Variants in PCYT1A observed in about 807,000 individuals in gnomAD.
PCYT1A encodes the protein choline-phosphate cytidylyltransferase A.
In PCYT1A, 25 loss-of-function variants were observed where a neutral mutation model predicts 43.7. The ratio of observed to expected loss-of-function variants is 0.57; its 90% CI spans 0.42 to 0.80. The LOEUF is 0.80. PCYT1A is among the 30% of genes least tolerant of loss of function. The pLI is 0.00. For synonymous variants in PCYT1A, 172 were observed against 170.7 expected (o/e 1.01, Z -0.06); for missense variants, 421 against 474.2 (o/e 0.89, Z 1.04).
chr3:196,266,016 G>C (rs1024056117), intron 2 of PCYT1A, among the ~76,000 whole-genome samples: 1 of 150,304 alleles, frequency 6.7e-6, no homozygotes. Flanking sequence ...TGGGATGACA[G>C]GCGTGAGCCA....
chr3:196,264,425 GC>G (rs1398093944), intron 2 of PCYT1A, among the ~76,000 whole-genome samples: 2 of 152,046 alleles, frequency 1.3e-5, no homozygotes, highest in African/African-American at 4.8e-5. Context: ...AGTTTATCTC[GC>G]ACTCTCTGTA....
chr3:196,285,991 T>A (rs1202866607), intron 1 of PCYT1A, among the ~76,000 whole-genome samples: 3 of 152,004 alleles, frequency 2.0e-5, no homozygotes, highest in Admixed American at 6.6e-5. Flanking sequence ...CCGTTCCTCA[T>A]GAGCAGTTTC....
At chr3:196,264,684 C>T (rs536374659) in intron 2 of PCYT1A, among the ~76,000 whole-genome samples, 46 of 152,310 alleles carry the variant, frequency 3.0e-4, no homozygotes, top group Non-Finnish European at 6.5e-4. Flanking sequence ...TCCTGACCCA[C>T]CAACCCAGGC....
chr3:196,266,444 G>T (rs528818875), intron 2 of PCYT1A, among the ~76,000 whole-genome samples: 6 of 152,072 alleles, frequency 3.9e-5, no homozygotes, highest in Non-Finnish European at 7.3e-5. Context: ...CTGCACTCCA[G>T]CCTGGGCGAC....
At chr3:196,263,941 T>C (rs1378115142) in intron 2 of PCYT1A, among the ~76,000 whole-genome samples, 3 of 152,172 alleles carry the variant, frequency 2.0e-5, no homozygotes, top group Non-Finnish European at 4.4e-5. Context: ...CAGGATCTGG[T>C]TTTAAAAATG....
chr3:196,252,421 T>C lies in PCYT1A; in HGVS notation c.218-4098A>G, dbSNP rs1486837452. On this transcript the variant is annotated intron_variant, in intron 3 of 8. Transcript: ENST00000431016. This position sits in a 1 kb window ranked among gnomAD's most constrained non-coding sequence, Gnocchi z 4.0. ...AGCCACCAAGCCGGGATAATTTTTG[T>C]ATTTTTATATTCGTATCCCATGTTG... 1.3e-5 allele frequency among the ~76,000 whole-genome samples: 2 copies of C among 152,152 alleles called. No individual in the cohort carries two copies. Among genetic ancestry groups the C allele is most frequent in the African/African-American group, 4.8e-5 (2 of 41,440 alleles).
Position 196,277,818 on chromosome 3 carries a change from C to T in PCYT1A, c.-10-7277G>A, listed in dbSNP as rs1277898460. ...CCCTGGAGGTGGAGGTTGCAGTGAG[C>T]CTAAATCGCACGCCACTGCGCTCCA... On this transcript the variant is annotated intron_variant, in intron 1 of 8. Coordinates refer to ENST00000431016, the MANE Select transcript of PCYT1A (RefSeq NM_001312673.2). This position sits in a 1 kb window ranked among gnomAD's most constrained non-coding sequence, Gnocchi z 4.1. Among the ~76,000 whole-genome samples the T allele has an allele frequency of 6.6e-6, 1 of 152,160 alleles. No homozygotes were observed. Among genetic ancestry groups the T allele is most frequent in the Non-Finnish European group, 1.5e-5 (1 of 68,022 alleles).
chr3:196,281,138 C>A (rs1026534767), intron 1 of PCYT1A, among the ~76,000 whole-genome samples: 1 of 152,196 alleles, frequency 6.6e-6, no homozygotes, highest in African/African-American at 2.4e-5. Context: ...AAGCCGAGTG[C>A]GCAAGCAGAC....
rs1403221565 is a variant in PCYT1A, at chr3:196,273,669, G to A, written c.-10-3128C>T. 6.6e-6 allele frequency among the ~76,000 whole-genome samples: 1 copy of A among 152,160 alleles called. No homozygotes were observed. Among genetic ancestry groups the A allele is most frequent in the Admixed American group, 6.5e-5 (1 of 15,288 alleles). On this transcript the variant is annotated intron_variant, in intron 1 of 8. Transcript: ENST00000431016. This position sits in a 1 kb window ranked among gnomAD's most constrained non-coding sequence, Gnocchi z 4.1. The stretch of plus-strand genomic sequence containing the variant: ...GACCTGGAGTGGGAAGCTCCTATCC[G>A]CAGGCAGGTCATCCCATCAAGTATG...
At chr3:196,279,059 G>A (rs1270857026) in intron 1 of PCYT1A, among the ~76,000 whole-genome samples, 1 of 151,480 alleles carries the variant, frequency 6.6e-6, no homozygotes, top group African/African-American at 2.4e-5. Context: ...AGGCCAAGGC[G>A]GGAGGATCAC....
rs1352675425 is a variant in PCYT1A, at chr3:196,242,465, T to G, written c.565+97A>C. ...TGTGGCCTGAAAGAGGATGTTGAAT[T>G]TCTAATGTACACATTTTCCTCTGTA... is the stretch of plus-strand genomic sequence containing the variant. On this transcript the variant is annotated intron_variant, in intron 6 of 8. Transcript: ENST00000431016. The surrounding 1 kb of genome is among the most constrained non-coding windows in gnomAD (Gnocchi z 4.2). 1 of 858,592 alleles carries G rather than the reference T, an allele frequency of 1.2e-6. No homozygotes were observed. Among genetic ancestry groups the G allele is most frequent in the East Asian group, 2.4e-5 (1 of 41,518 alleles). 53.2% of individuals were successfully genotyped at this position (858,592 alleles called of 1,614,324 possible).
In PCYT1A at chr3:196,236,588, C is replaced by G. The variant is rs947056346; in HGVS notation, c.*2100G>C. On this transcript the variant is annotated 3_prime_UTR_variant, in exon 9 of 9. Transcript: ENST00000431016. ...CAAGAGGCTTCATTCTCCCTCGCCT[C>G]TGTGACGCTCTTTCTGGGTGATCCA... 5 of 152,198 alleles carry G rather than the reference C, an allele frequency of 3.3e-5. No individual in the cohort carries two copies. The highest frequency in any genetic ancestry group is 7.3e-5 in the Non-Finnish European group (5 of 68,048). The allele number at this position is 152,198 out of a possible 1,614,324, so 9.4% of individuals were successfully genotyped here. A position where few individuals can be genotyped will look rare whatever the true frequency, so the allele number is the denominator to read the frequency against.
chr3:196,249,656 G>A (rs1430907783), intron 3 of PCYT1A, among the ~76,000 whole-genome samples: 4 of 152,220 alleles, frequency 2.6e-5, no homozygotes, highest in Non-Finnish European at 5.9e-5. Context: ...AGGAGTCCAT[G>A]TAACTTATTC....
Position 196,238,397 on chromosome 3 carries a change from A to C in PCYT1A, c.*291T>G, listed in dbSNP as rs948279615. 3.7e-6 allele frequency: 1 copy of C among 271,178 alleles called. No individual in the cohort carries two copies. Among genetic ancestry groups the C allele is most frequent in the African/African-American group, 2.2e-5 (1 of 45,748 alleles). The allele number at this position is 271,178 out of a possible 1,614,324, so 16.8% of individuals were successfully genotyped here. On this transcript the variant is annotated 3_prime_UTR_variant, in exon 9 of 9. Transcript: ENST00000431016. ...TTTTAAAAAATTAATGAAAATGACA[A>C]TTTCCCTGTTGAGATCACGTGAACA...
chr3:196,262,527 A>C lies in PCYT1A; in HGVS notation c.118-4640T>G, dbSNP rs373038986. On this transcript the variant is annotated intron_variant, in intron 2 of 8. Coordinates refer to ENST00000431016, the MANE Select transcript of PCYT1A (RefSeq NM_001312673.2). Reference sequence around the variant, plus strand: ...AGGTTAGCTTCTAAAATGCTATATAAACTTTCCAAATGCATGCATCTAAAA... The same window carrying C: ...AGGTTAGCTTCTAAAATGCTATATACACTTTCCAAATGCATGCATCTAAAA... 6.6e-5 allele frequency among the ~76,000 whole-genome samples: 10 copies of C among 152,320 alleles called. No homozygotes were observed. In the East Asian group the frequency reaches 7.7e-4, roughly 12 times the overall value.
chr3:196,270,481 C>G lies in PCYT1A; in HGVS notation c.51G>C (p.Glu17Asp). 1.2e-6 allele frequency: 2 copies of G among 1,614,176 alleles called. No homozygotes were observed. The highest frequency in any genetic ancestry group is 1.7e-6 in the Non-Finnish European group (2 of 1,179,994). ...AKVNARKRRK[E>D]APGPNGATEE... ...CTGTTGCCCCGTTGGGTCCGGGCGC[C>G]TCTTTTCTCCTCTTCCTTGCATTGA... The change falls in exon 2 of 9, where the codon GAG becomes GAC. Residue 17 changes from glutamate to aspartate, a missense_variant. By Grantham distance (45) the Glu-to-Asp change is conservative (BLOSUM62 2). Transcript: ENST00000431016.
chr3:196,241,532 G>C, intron 7 of PCYT1A: 1 of 1,291,144 alleles, frequency 7.7e-7, no homozygotes, highest in Non-Finnish European at 1.0e-6. Flanking sequence ...CTTAACTTTC[G>C]TCAATCCAAA....
At chr3:196,278,880 C>A (rs572124673) in intron 1 of PCYT1A, among the ~76,000 whole-genome samples, 28 of 148,554 alleles carry the variant, frequency 1.9e-4, no homozygotes, top group African/African-American at 6.7e-4. Flanking sequence ...ACTTGGGAGT[C>A]TGTGGTGGCA....
At position 196,242,476 on chromosome 3, in the gene PCYT1A, A is replaced by C; in HGVS notation, c.565+86T>G. 1.1e-6 allele frequency: 1 copy of C among 903,712 alleles called. No individual in the cohort carries two copies. Among genetic ancestry groups the C allele is most frequent in the Non-Finnish European group, 1.9e-6 (1 of 531,998 alleles). 56.0% of individuals were successfully genotyped at this position (903,712 alleles called of 1,614,324 possible). On this transcript the variant is annotated intron_variant, in intron 6 of 8. Coordinates refer to ENST00000431016, the MANE Select transcript of PCYT1A (RefSeq NM_001312673.2). This position sits in a 1 kb window ranked among gnomAD's most constrained non-coding sequence, Gnocchi z 4.2. ...AGAGGATGTTGAATTTCTAATGTACACATTTTCCTCTGTAAAGCAGCAACA... is the reference window on the plus strand; with the variant it reads ...AGAGGATGTTGAATTTCTAATGTACCCATTTTCCTCTGTAAAGCAGCAACA...
Sources: allele counts gnomAD v4.1 joint callset (sites outside exome capture counted in the v4.1 genomes callset), GRCh38; gene constraint gnomAD v4.1.1; non-coding constraint Gnocchi (gnomAD v3.1); transcripts MANE v1.5; gene names NCBI Gene and HGNC (gene_info 2026-07-23, HGNC 2026-07-21).